Variants in LRRC37A2 observed in about 807,000 individuals in gnomAD.
LRRC37A2 encodes leucine-rich repeat-containing protein 37A2.
Under a neutral mutation model 68.8 loss-of-function variants are expected in LRRC37A2, and 9 were observed. The ratio of observed to expected loss-of-function variants is 0.13; its 90% confidence interval spans 0.08 to 0.23. The LOEUF is 0.23. Among genes scored for constraint, LRRC37A2 ranks in the 10% least tolerant of loss-of-function variants. The pLI, the probability that LRRC37A2 is intolerant of heterozygous loss-of-function variation, is 1.00. For synonymous variants in LRRC37A2, 63 were observed against 367.6 expected (o/e 0.17, Z 9.48); for missense variants, 168 against 950.4 (o/e 0.18, Z 10.82).
chr17:46,625,915 C>T, the LRRC37A2 span, among the ~76,000 whole-genome samples: 2 of 133,574 alleles, frequency 1.5e-5, no homozygotes, highest in African/African-American at 6.0e-5. Context: ...GATACTGCTG[C>T]TGCATAACAG....
At chr17:46,996,077 G>T in the LRRC37A2 span, among the ~76,000 whole-genome samples, 35,372 of 151,920 alleles carry the variant, frequency 0.23, 4,282 homozygotes, top group Middle Eastern at 0.32. Context: ...GAGGTCTGCT[G>T]CTTGCCTCCC....
the LRRC37A2 span, chr17:46,939,374 G>C: frequency 4.0e-6 from 4 of 1,001,262 alleles, no homozygotes; most frequent in Non-Finnish European, 4.8e-6. Context: ...TAACAAGTAA[G>C]ATTTTCCACA....
At chr17:46,877,613 C>A in the LRRC37A2 span, among the ~76,000 whole-genome samples, 18 of 152,318 alleles carry the variant, frequency 1.2e-4, no homozygotes, top group African/African-American at 4.1e-4. Context: ...AGGGCAACAG[C>A]TTCCTGGTGC....
the LRRC37A2 span, among the ~76,000 whole-genome samples, chr17:46,967,357 T>C: frequency 3.9e-5 from 6 of 152,232 alleles, no homozygotes; most frequent in Admixed American, 3.9e-4. Flanking sequence ...AGTTAATACA[T>C]GAACAGAGGC....
chr17:46,454,026 GTAA>G, the LRRC37A2 span, among the ~76,000 whole-genome samples: 1 of 63,202 alleles, frequency 1.6e-5, no homozygotes, highest in Non-Finnish European at 2.9e-5. Context: ...AAACTTCATG[GTAA>G]TAATTTGTGA....
At chr17:46,975,328 T>C in the LRRC37A2 span, 1 of 152,076 alleles carries the variant, frequency 6.6e-6, no homozygotes, top group South Asian at 2.1e-4. Context: ...CCCTCTGAGA[T>C]TTATCGGTGC....
chr17:46,973,757 A>G, the LRRC37A2 span, among the ~76,000 whole-genome samples: 1 of 148,118 alleles, frequency 6.8e-6, no homozygotes, highest in Non-Finnish European at 1.5e-5. Flanking sequence ...TCTGCACTCA[A>G]GAGATACTAC....
At chr17:46,492,347 T>A in the LRRC37A2 span, among the ~76,000 whole-genome samples, 1 of 151,070 alleles carries the variant, frequency 6.6e-6, no homozygotes, top group Admixed American at 6.6e-5. Flanking sequence ...TCTGTGTTGT[T>A]GTATCAGTAG....
chr17:46,922,955 C>CG, the LRRC37A2 span: 1 of 592,078 alleles, frequency 1.7e-6, no homozygotes, highest in Non-Finnish European at 3.0e-6. Flanking sequence ...ACATGTACAC[C>CG]GCCTTGCCCT....
At chr17:46,879,089 A>G in the LRRC37A2 span, among the ~76,000 whole-genome samples, 4 of 152,204 alleles carry the variant, frequency 2.6e-5, no homozygotes, top group Non-Finnish European at 5.9e-5. Flanking sequence ...TCTACCTCAA[A>G]TATATAGTTT....
At chr17:46,866,971 C>T in the LRRC37A2 span, among the ~76,000 whole-genome samples, 1 of 152,196 alleles carries the variant, frequency 6.6e-6, no homozygotes, top group Non-Finnish European at 1.5e-5. Context: ...CCTCTTGCCT[C>T]CTCCTCACCC....
the LRRC37A2 span, among the ~76,000 whole-genome samples, chr17:46,843,131 C>T: frequency 3.9e-5 from 6 of 152,156 alleles, no homozygotes; most frequent in African/African-American, 1.4e-4. Context: ...GTGCCAAGCC[C>T]AGAGAGGGAG....
chr17:47,012,189 A>G, the LRRC37A2 span, among the ~76,000 whole-genome samples: 2 of 152,152 alleles, frequency 1.3e-5, no homozygotes, highest in Non-Finnish European at 2.9e-5. Context: ...TTTCCAATTC[A>G]GCTCCACACT....
the LRRC37A2 span, among the ~76,000 whole-genome samples, chr17:46,870,904 CTTTTT>C: frequency 7.7e-5 from 6 of 78,388 alleles, no homozygotes; most frequent in African/African-American, 2.5e-4. Flanking sequence ...TCCACCTTTG[CTTTTT>C]TTTTTTTTTT....
the LRRC37A2 span, among the ~76,000 whole-genome samples, chr17:46,785,912 A>G: frequency 6.6e-6 from 1 of 152,212 alleles, no homozygotes; most frequent in African/African-American, 2.4e-5. Flanking sequence ...TCTGTTCTCC[A>G]AAGCAGCTCC....
the LRRC37A2 span, among the ~76,000 whole-genome samples, chr17:46,735,141 G>A: frequency 3.2e-4 from 49 of 152,196 alleles, no homozygotes; most frequent in African/African-American, 1.0e-3. Context: ...TTTCAAAATA[G>A]GGTTTTGTTT....
the LRRC37A2 span, among the ~76,000 whole-genome samples, chr17:46,699,402 GACACACAC>G: frequency 4.7e-5 from 7 of 148,316 alleles, no homozygotes; most frequent in Admixed American, 4.7e-4. Context: ...ATAAACTGAG[GACACACAC>G]ACACACACAC....
the LRRC37A2 span, among the ~76,000 whole-genome samples, chr17:46,493,925 C>G: frequency 6.6e-6 from 1 of 151,086 alleles, no homozygotes; most frequent in Admixed American, 6.6e-5. Flanking sequence ...TGTCATTCCC[C>G]TCGACTCCAG....
At chr17:46,769,723 C>A in the LRRC37A2 span, 3 of 1,595,666 alleles carry the variant, frequency 1.9e-6, no homozygotes, top group South Asian at 3.3e-5. Context: ...GCCAGGGCAG[C>A]TCCGGAGGGG....
Sources: gnomAD v4.1 joint callset for allele counts (sites outside exome capture counted in the v4.1 genomes callset) on GRCh38, gnomAD v4.1.1 for gene constraint, MANE v1.5 for transcripts, NCBI Gene and HGNC (gene_info 2026-07-23, HGNC 2026-07-21) for gene names.